Variants in IL1RN observed in about 807,000 individuals in gnomAD.
The protein encoded by IL1RN is interleukin-1 receptor antagonist protein.
Under a neutral mutation model 13.7 loss-of-function variants are expected in IL1RN, and 10 were observed. That is an observed-to-expected ratio of 0.73 (90% CI 0.45 to 1.24). IL1RN has a LOEUF of 1.24. IL1RN is among the 50% of genes most tolerant of loss of function. IL1RN has a pLI of 0.00. For synonymous variants in IL1RN, 102 were observed against 82.7 expected (o/e 1.23, Z -1.27); for missense variants, 213 against 222.1 (o/e 0.96, Z 0.26).
upstream of IL1RN, among the ~76,000 whole-genome samples, chr2:113,109,674 A>G (rs1392631386): frequency 6.6e-6 from 1 of 152,092 alleles, no homozygotes; most frequent in Non-Finnish European, 1.5e-5. Context: ...TCACTGAGAA[A>G]ACACTAACAG....
At chr2:113,126,342 C>T, upstream of IL1RN, among the ~76,000 whole-genome samples, 1 of 152,162 alleles carries the variant, frequency 6.6e-6, no homozygotes, top group East Asian at 1.9e-4. Flanking sequence ...CATACTTTTG[C>T]CATCAGCAAG....
chr2:113,121,060 C>CTCCCCCTTCTCCTCTTCTTCT (rs1558864271), intron 2 of IL1RN, among the ~76,000 whole-genome samples: 48 of 66,596 alleles, frequency 7.2e-4, no homozygotes, highest in African/African-American at 2.1e-3. Flanking sequence ...CTTCTTCTTC[C>CTCCCCCTTCTCCTCTTCTTCT]TCCTCCTCCT....
At chr2:113,106,901 T>TAAA (rs11473501), upstream of IL1RN, among the ~76,000 whole-genome samples, 83,915 of 151,884 alleles carry the variant, frequency 0.55, 24,491 homozygotes, top group African/African-American at 0.76. Context: ...GAGAAAGAAT[T>TAAA]TTGAGCTTTT....
intron 1 of IL1RN, chr2:113,118,117 G>A: frequency 6.2e-7 from 1 of 1,605,698 alleles, no homozygotes; most frequent in Non-Finnish European, 8.5e-7. Flanking sequence ...TTCAGGCTCT[G>A]GTGAGCAAGC....
Position 113,132,905 on chromosome 2 carries a change from T to G in IL1RN, c.*34T>G, listed in dbSNP as rs371741377. On this transcript the variant is annotated 3_prime_UTR_variant, in exon 4 of 4. Coordinates refer to ENST00000409930, the MANE Select transcript of IL1RN (RefSeq NM_173842.3). ...AGGCCTGCCTGTTCCCATTCTTGCA[T>G]GGCAAGGACTGCAGGGACTGCCAGT... 4 of 1,595,552 alleles carry G rather than the reference T, an allele frequency of 2.5e-6. No homozygotes were observed. In the African/African-American group the frequency reaches 4.0e-5, roughly 16 times the overall value.
chr2:113,116,479 G>C (rs1018454179), upstream of IL1RN, among the ~76,000 whole-genome samples: 3 of 151,102 alleles, frequency 2.0e-5, no homozygotes, highest in Non-Finnish European at 3.0e-5. Flanking sequence ...CCTGCGGTCG[G>C]GAGCACCCAG....
the IL1RN span, among the ~76,000 whole-genome samples, chr2:113,099,774 G>A: frequency 9.1e-5 from 9 of 99,318 alleles, no homozygotes; most frequent in Middle Eastern, 8.2e-3. Context: ...TCGCTCTGTC[G>A]CCCAGGCTGG....
the IL1RN span, among the ~76,000 whole-genome samples, chr2:113,101,814 C>T: frequency 6.6e-6 from 1 of 152,122 alleles, no homozygotes; most frequent in Non-Finnish European, 1.5e-5. Flanking sequence ...GTTACCCAGG[C>T]TGGAGTGCAA....
At chr2:113,114,767 TAA>T (rs1157810895), upstream of IL1RN, among the ~76,000 whole-genome samples, 1 of 152,168 alleles carries the variant, frequency 6.6e-6, no homozygotes, top group East Asian at 1.9e-4. Flanking sequence ...GCTGGAGATA[TAA>T]GAGTAAACAA....
At chr2:113,124,674 A>G (rs913657605), upstream of IL1RN, among the ~76,000 whole-genome samples, 100 of 152,252 alleles carry the variant, frequency 6.6e-4, no homozygotes, top group African/African-American at 2.4e-3. Context: ...ATTTCATTCA[A>G]TCCTTATAGT....
At position 113,127,774 on chromosome 2, in the gene IL1RN, G is replaced by A. The variant is rs202067732; in HGVS notation, c.116+34G>A. 1.8e-4 allele frequency: 285 copies of A among 1,603,760 alleles called. 1 individual carries two copies. The African/African-American group carries it at 2.4e-3, about 13-fold the overall frequency. ...ACCCCAAGGAGGAGAAGGTGAGGGTGGATCAGCTGGAGACTGGAAACATAT... is the reference window on the plus strand; with the variant it reads ...ACCCCAAGGAGGAGAAGGTGAGGGTAGATCAGCTGGAGACTGGAAACATAT... On this transcript the variant is annotated intron_variant, in intron 1 of 3. Coordinates refer to ENST00000409930, the MANE Select transcript of IL1RN (RefSeq NM_173842.3).
At chr2:113,099,773 C>T in the IL1RN span, among the ~76,000 whole-genome samples, 2,334 of 101,098 alleles carry the variant, frequency 0.023, 91 homozygotes, top group African/African-American at 0.077. Context: ...CTCGCTCTGT[C>T]GCCCAGGCTG....
chr2:113,130,933 C>A (rs1009800513), intron 2 of IL1RN, 112 bp from the exon 3 acceptor site: 2 of 747,566 alleles, frequency 2.7e-6, no homozygotes, highest in Admixed American at 2.0e-5. Flanking sequence ...CCCTTCTGAC[C>A]TCGGGATTTT....
chr2:113,112,734 T>C lies in IL1RN; in HGVS notation c.-387-266T>C, dbSNP rs566763469. Among the ~76,000 whole-genome samples, 3 of 152,338 alleles carry C rather than the reference T, an allele frequency of 2.0e-5. No individual in the cohort carries two copies. In the South Asian group the frequency reaches 6.2e-4, roughly 32 times the overall value. ...GCTCCCACAAAACCCTGTGCCTCTT[T>C]CATCGTTGCATATATTATGCTGTAA... On this transcript the variant is annotated intron_variant, in intron 1 of 8. Coordinates refer to the IL1RN transcript ENST00000409052.
At chr2:113,127,387 G>A, upstream of IL1RN, 14 of 852,138 alleles carry the variant, frequency 1.6e-5, no homozygotes, top group Non-Finnish European at 1.8e-5. Context: ...TCTTAATTTT[G>A]GGGAAATTGC....
chr2:113,100,895 G>A, the IL1RN span, among the ~76,000 whole-genome samples: 3 of 152,142 alleles, frequency 2.0e-5, no homozygotes, highest in African/African-American at 7.2e-5. Flanking sequence ...GTTCTCATAA[G>A]TTCTTAGTTG....
chr2:113,120,903 A>T (rs997316613), intron 2 of IL1RN, among the ~76,000 whole-genome samples: 1 of 152,146 alleles, frequency 6.6e-6, no homozygotes, highest in Admixed American at 6.5e-5. Flanking sequence ...CTGGGTTTCA[A>T]TCCTGGCCTG....
chr2:113,126,248 T>C (rs957380357), upstream of IL1RN, among the ~76,000 whole-genome samples: 3 of 152,062 alleles, frequency 2.0e-5, no homozygotes, highest in Admixed American at 1.3e-4. Flanking sequence ...CTTCCCAGAG[T>C]GTGATGAATA....
chr2:113,130,139 G>A (rs1687109283), intron 2 of IL1RN: 1 of 179,396 alleles, frequency 5.6e-6, no homozygotes, highest in Admixed American at 5.4e-5. Flanking sequence ...CACCCACTCT[G>A]TTCCTCAGCT....
Sources: allele counts gnomAD v4.1 joint callset (sites outside exome capture counted in the v4.1 genomes callset), GRCh38; gene constraint gnomAD v4.1.1; transcripts MANE v1.5; gene names NCBI Gene and HGNC (gene_info 2026-07-23, HGNC 2026-07-21).